Variants in CELF3 observed in about 807,000 individuals in gnomAD.
CELF3 encodes CUGBP Elav-like family member 3.
In CELF3, 26 loss-of-function variants were observed where a neutral mutation model predicts 59.6. That is an observed-to-expected ratio of 0.44 (90% CI 0.32 to 0.61). The LOEUF is 0.61. Ranked by LOEUF, CELF3 falls within the 20% of genes least tolerant of loss-of-function variation. CELF3 has a pLI of 0.06. For missense variants in CELF3, 387 were observed against 627.2 expected (o/e 0.62, Z 4.09); for synonymous variants, 245 against 250.7 (o/e 0.98, Z 0.22).
At position 151,707,849 on chromosome 1, in the gene CELF3, C is replaced by G; in HGVS notation, c.573G>C (p.Leu191Phe). Residue 191 changes from leucine (L) to phenylalanine (F), a missense_variant, in exon 6 of 13, where the codon TTG (leucine) becomes TTC (phenylalanine). Transcript: ENST00000290583. ...LRRMQQVATQ[L>F]GMFSPIALQF... The stretch of plus-strand genomic sequence containing the variant: ...GGAGGGCGATGGGGCTGAACATGCC[C>G]AACTGGGTGGCCACCTGCTGCATGC... 6.2e-7 allele frequency: 1 copy of G among 1,613,960 alleles called. No individual in the cohort carries two copies. The highest frequency in any genetic ancestry group is 8.5e-7 in the Non-Finnish European group (1 of 1,179,882).
At chr1:151,714,559 C>T in intron 2 of CELF3, 35 bp downstream of exon 2, 1 of 1,506,142 alleles carries the variant, frequency 6.6e-7, no homozygotes, top group Non-Finnish European at 9.0e-7. Flanking sequence ...TATGGCCCTT[C>T]TCAGTCCCCT....
intron 1 of CELF3, 44 bp downstream of exon 1, chr1:151,715,824 CCCCAGCCT>C: frequency 6.3e-7 from 1 of 1,596,044 alleles, no homozygotes; most frequent in Non-Finnish European, 8.5e-7. Context: ...GCTTAACTTC[CCCCAGCCT>C]CCCAGCCCAC....
chr1:151,707,753 G>T, intron 6 of CELF3, 39 bp downstream of exon 6: 1 of 1,606,718 alleles, frequency 6.2e-7, no homozygotes, highest in Non-Finnish European at 8.5e-7. Context: ...AGATACAGGG[G>T]GTCAGGAGGG....
At chr1:151,707,424 C>G in intron 7 of CELF3, 83 bp downstream of exon 7, 1 of 1,567,314 alleles carries the variant, frequency 6.4e-7, no homozygotes, top group Non-Finnish European at 8.7e-7. Flanking sequence ...TCCCAGACCC[C>G]GAGGCTTCCC....
intron 2 of CELF3, among the ~76,000 whole-genome samples, chr1:151,713,139 G>A (rs1354343007): frequency 1.3e-5 from 2 of 152,222 alleles, no homozygotes; most frequent in Non-Finnish European, 2.9e-5. Context: ...TCTGGATTCT[G>A]TCCCCTGGGA....
In CELF3 at chr1:151,709,894, C is replaced by G. The variant is rs1672874372; in HGVS notation, c.229-103G>C. Reference sequence around the variant, plus strand: ...AGAGACTAGAGGGGCAAGCCCCAGGCCCTCTAAGTTTCTGATGGGAAGGAA... The same window carrying G: ...AGAGACTAGAGGGGCAAGCCCCAGGGCCTCTAAGTTTCTGATGGGAAGGAA... On this transcript the variant is annotated intron_variant, in intron 2 of 12. Transcript: ENST00000290583. The surrounding 1 kb of genome is among the most constrained non-coding windows in gnomAD (Gnocchi z 4.9). The G allele has an allele frequency of 1.8e-5, 20 of 1,112,924 alleles. No individual in the cohort carries two copies. In the South Asian group the frequency reaches 2.5e-4, roughly 14 times the overall value. The allele number at this position is 1,112,924 out of a possible 1,614,324, so 68.9% of individuals were successfully genotyped here.
chr1:151,710,709 G>T (rs1309549823), intron 2 of CELF3: 2 of 456,452 alleles, frequency 4.4e-6, no homozygotes, highest in South Asian at 3.1e-5. Flanking sequence ...GTGCACGGAA[G>T]TCCTCCAGAG....
chr1:151,707,243 G>A lies in CELF3; in HGVS notation c.824C>T (p.Ala275Val). 6.4e-7 allele frequency: 1 copy of A among 1,557,550 alleles called. No individual in the cohort carries two copies. The change falls in exon 8 of 13, where the codon GCT becomes GTT. Residue 275 changes from alanine to valine, a missense_variant. By Grantham distance (64) the Ala-to-Val change is moderately conservative. Transcript: ENST00000290583. ...GCTGTAGCCGTTGACGCCCAGGGCA[G>A]CCGGAATGGCAGAGACAGGCGTGGC... ...IAATPVSAIP[A>V]ALGVNGYSPV...
In CELF3 at chr1:151,706,270, C is replaced by G. The variant is rs759611418; in HGVS notation, c.1080G>C (p.Gln360His). ...GTTGCTGCTGCTGCTGCTGCTGCTG[C>G]TGTTGAGGTGGTGGTGGGGGCTGCT... ...VAQQPPPPPQ[Q>H]QQQQQQQQQQ... Residue 360 changes from glutamine (Q) to histidine (H), a missense_variant, in exon 10 of 13, where the codon CAG becomes CAC. Transcript: ENST00000290583. 1 of 1,582,786 alleles carries G rather than the reference C, an allele frequency of 6.3e-7. No homozygotes were observed. Among genetic ancestry groups the G allele is most frequent in the Non-Finnish European group, 8.6e-7 (1 of 1,164,902 alleles).
rs1180852322 is a variant in CELF3, at chr1:151,700,085, T to C, written c.*3374A>G. On this transcript the variant is annotated 3_prime_UTR_variant, in exon 13 of 13. Transcript: ENST00000290583. The stretch of plus-strand genomic sequence containing the variant: ...ACAGTGGTTAAAGTCAAACATTTAT[T>C]AGGTATCTGCTGTTGGGGGTGGGGT... Among the ~76,000 whole-genome samples the C allele has an allele frequency of 1.3e-5, 2 of 152,168 alleles. No individual in the cohort carries two copies. Among genetic ancestry groups the C allele is most frequent in the African/African-American group, 2.4e-5 (1 of 41,434 alleles).
intron 2 of CELF3, chr1:151,713,422 A>C (rs1242476580): frequency 2.0e-5 from 3 of 152,282 alleles, no homozygotes; most frequent in Non-Finnish European, 4.4e-5. Flanking sequence ...TCTCCACTCC[A>C]GTCCTCTTTA....
At chr1:151,711,652 G>A (rs1360861344) in intron 2 of CELF3, among the ~76,000 whole-genome samples, 11 of 152,220 alleles carry the variant, frequency 7.2e-5, no homozygotes, top group Admixed American at 7.2e-4. Flanking sequence ...GGGTGCATGG[G>A]CTTTCACCTC....
At position 151,709,052 on chromosome 1, in the gene CELF3, G is replaced by T; in HGVS notation, c.432C>A (p.Thr144=). ...TGATGGCCGCCTGGGCCTCAGCGTG[G>T]GTCTGGAACTTCACGAAGGCGCAGC... ...SKGCAFVKFQ[T]HAEAQAAINT... The change falls in exon 5 of 13, where the codon ACC becomes ACA. Residue 144 remains threonine, a synonymous_variant. Transcript: ENST00000290583. The surrounding 1 kb of genome is among the most constrained non-coding windows in gnomAD (Gnocchi z 4.9). 2 of 1,614,088 alleles carry T rather than the reference G, an allele frequency of 1.2e-6. No homozygotes were observed. Among genetic ancestry groups the T allele is most frequent in the South Asian group, 1.1e-5 (1 of 91,076 alleles).
chr1:151,705,245 T>C lies in CELF3; in HGVS notation c.1271-77A>G. 3 of 1,481,302 alleles carry C rather than the reference T, an allele frequency of 2.0e-6. No individual in the cohort carries two copies. The highest frequency in any genetic ancestry group is 2.7e-6 in the Non-Finnish European group (3 of 1,095,896). 91.8% of individuals were successfully genotyped at this position (1,481,302 alleles called of 1,614,324 possible). On this transcript the variant is annotated intron_variant, in intron 11 of 12. Coordinates refer to ENST00000290583, the MANE Select transcript of CELF3 (RefSeq NM_007185.7). This position sits in a 1 kb window ranked among gnomAD's most constrained non-coding sequence, Gnocchi z 5.1. ...GCTTAGGAGACCTCTGGCACTACCC[T>C]GTGTCTCCCAAGTGTCCCAAATGCC...
chr1:151,706,157 CG>C, intron 10 of CELF3, 66 bp downstream of exon 10: 1 of 1,609,840 alleles, frequency 6.2e-7, no homozygotes, highest in Non-Finnish European at 8.5e-7. Flanking sequence ...GGGCTCAGCG[CG>C]GGGTGACAGG....
chr1:151,704,193 T>TG (rs948598285), intron 12 of CELF3, among the ~76,000 whole-genome samples: 3 of 150,780 alleles, frequency 2.0e-5, no homozygotes, highest in Non-Finnish European at 3.0e-5. Context: ...GGCCCTGGGC[T>TG]GGGGGGGCCC....
At chr1:151,706,551 A>G in intron 9 of CELF3, 118 bp downstream of exon 9, 3 of 1,278,596 alleles carry the variant, frequency 2.3e-6, no homozygotes, top group Middle Eastern at 2.3e-4. Context: ...TGGGCTTGTC[A>G]GTAAAGCCTG....
At chr1:151,710,983 T>A (rs1672977102) in intron 2 of CELF3, 1 of 380,422 alleles carries the variant, frequency 2.6e-6, no homozygotes, top group Middle Eastern at 3.8e-4. Context: ...ACTCATCTGA[T>A]GGTGGGGCAG....
At position 151,707,275 on chromosome 1, in the gene CELF3, G is replaced by A; in HGVS notation, c.792C>T (p.Ala264=). Residue 264 remains alanine, a synonymous_variant, in exon 8 of 13, where the codon GCC becomes GCT. Coordinates refer to ENST00000290583, the MANE Select transcript of CELF3 (RefSeq NM_007185.7). ...TPSSGTSTPP[A]IAATPVSAIP... ...TGGCAGAGACAGGCGTGGCAGCGAT[G>A]GCAGGAGGGGTGCTGGTTCCTGGGG... The A allele has an allele frequency of 6.4e-7, 1 of 1,570,742 alleles. No homozygotes were observed. Among genetic ancestry groups the A allele is most frequent in the Non-Finnish European group, 8.6e-7 (1 of 1,159,354 alleles).
Sources: allele counts gnomAD v4.1 joint callset (sites outside exome capture counted in the v4.1 genomes callset), GRCh38; gene constraint gnomAD v4.1.1; non-coding constraint Gnocchi (gnomAD v3.1); transcripts MANE v1.5; gene names NCBI Gene and HGNC (gene_info 2026-07-23, HGNC 2026-07-21).